Variants in SH3KBP1 observed in about 807,000 individuals in gnomAD.
The protein encoded by SH3KBP1 is SH3 domain-containing kinase-binding protein 1.
In SH3KBP1, 8 loss-of-function variants were observed where a neutral mutation model predicts 50.1. The observed-to-expected ratio is 0.16, with a 90% CI of 0.09 to 0.29. The LOEUF is 0.29. SH3KBP1 is among the 10% of genes least tolerant of loss of function. SH3KBP1 has a pLI of 1.00. For synonymous variants in SH3KBP1, 227 were observed against 218.6 expected, an observed-to-expected ratio of 1.04 and a Z score of -0.34; for missense variants, 377 against 535.2, an observed-to-expected ratio of 0.70 and a Z score of 2.92.
At chrX:19,738,514 C>T (rs1347301556) in intron 3 of SH3KBP1, among the ~76,000 whole-genome samples, 1 of 109,379 alleles carries the variant, frequency 9.1e-6, no homozygotes, top group Non-Finnish European at 1.9e-5. Flanking sequence ...TACAATGGTG[C>T]AATGTGATTG....
At chrX:19,760,694 C>A (rs1292886790) in intron 2 of SH3KBP1, among the ~76,000 whole-genome samples, 3 of 110,872 alleles carry the variant, frequency 2.7e-5, no homozygotes, top group Non-Finnish European at 5.7e-5. Flanking sequence ...GAGAGCGTAA[C>A]CTTGGTGCCT....
At chrX:19,583,167 T>TATTATTA (rs61074998) in intron 12 of SH3KBP1, among the ~76,000 whole-genome samples, 1 of 104,844 alleles carries the variant, frequency 9.5e-6, no homozygotes, top group African/African-American at 3.5e-5. Context: ...TTATTATTAT[T>TATTATTA]TTTGAGACGC....
chrX:19,603,115 G>A (rs1335427550), intron 9 of SH3KBP1, among the ~76,000 whole-genome samples: 1 of 112,357 alleles, frequency 8.9e-6, no homozygotes, highest in Non-Finnish European at 1.9e-5. Flanking sequence ...GAGGCCGAAG[G>A]CAGTGGTGCA....
chrX:19,725,578 A>T (rs769457786), intron 3 of SH3KBP1, among the ~76,000 whole-genome samples: 1 of 112,066 alleles, frequency 8.9e-6, no homozygotes, highest in Non-Finnish European at 1.9e-5. Flanking sequence ...GGACACAGTG[A>T]CTGTCTCCCA....
intron 8 of SH3KBP1, 116 bp downstream of exon 8, chrX:19,631,748 A>T: frequency 2.4e-6 from 1 of 412,126 alleles, no homozygotes; most frequent in Non-Finnish European, 4.3e-6. Flanking sequence ...ATTCTTCCTC[A>T]CAAGTTCAGG....
intron 6 of SH3KBP1, among the ~76,000 whole-genome samples, chrX:19,675,919 T>G (rs1336597435): frequency 9.0e-6 from 1 of 111,613 alleles, no homozygotes; most frequent in Non-Finnish European, 1.9e-5. Flanking sequence ...CCCTCCTCCT[T>G]CCTTACTTTT....
intron 17 of SH3KBP1, 104 bp from the exon 18 acceptor site, chrX:19,536,562 C>A (rs1465009735): frequency 4.0e-6 from 2 of 503,010 alleles, no homozygotes; most frequent in Non-Finnish European, 3.3e-6. Flanking sequence ...AACAATCAAT[C>A]TGACAATTTT....
intron 2 of SH3KBP1, among the ~76,000 whole-genome samples, chrX:19,778,187 C>G (rs1373624852): frequency 1.8e-5 from 2 of 111,204 alleles, no homozygotes; most frequent in South Asian, 3.8e-4. Context: ...AATCCCAGCA[C>G]TTTGGGAGGC....
Position 19,626,998 on chromosome X carries a change from C to T in SH3KBP1, c.897+4866G>A, listed in dbSNP as rs140636320. Among the ~76,000 whole-genome samples the T allele has an allele frequency of 9.0e-3, 1,013 of 112,088 alleles. 13 individuals carry two copies. The highest frequency in any genetic ancestry group is 0.031 in the African/African-American group (949 of 30,824). On this transcript the variant is annotated intron_variant, in intron 8 of 17. Transcript: ENST00000397821. ...GATTTTGACCAATAACGTTAGCTTT[C>T]TAAGCGTTCATCTTGATGTCATCAA...
At position 19,607,962 on chromosome X, in the gene SH3KBP1, T is replaced by C. The variant is rs779282844; in HGVS notation, c.981A>G (p.Pro327=). The change falls in exon 9 of 18, where the codon CCA becomes CCG. Residue 327 remains proline (P), a synonymous_variant. Transcript: ENST00000397821. ...CATTCCCTTCCTTTTCAAAGTCCGG[T>C]GGAAGTAACTTCACGAAGTTATCGG... ...VFPDNFVKLL[P]PDFEKEGNRP... is the part of the protein sequence containing the mutation. 2 of 1,210,071 alleles carry C rather than the reference T, an allele frequency of 1.7e-6. No homozygotes were observed. The highest frequency in any genetic ancestry group is 2.3e-4 in the Middle Eastern group (1 of 4,347).
chrX:19,816,066 C>T (rs1196523952), intron 2 of SH3KBP1, among the ~76,000 whole-genome samples: 1 of 112,292 alleles, frequency 8.9e-6, no homozygotes. Flanking sequence ...AGTTCTATAA[C>T]AAACTGCCAA....
chrX:19,572,836 G>A lies in SH3KBP1; in HGVS notation c.1299-3648C>T, dbSNP rs192241484. Among the ~76,000 whole-genome samples, 306 of 112,134 alleles carry A rather than the reference G, an allele frequency of 2.7e-3. 1 individual carries two copies. Among genetic ancestry groups the A allele is most frequent in the African/African-American group, 9.5e-3 (293 of 30,894 alleles). On this transcript the variant is annotated intron_variant, in intron 12 of 17. Coordinates refer to ENST00000397821, the MANE Select transcript of SH3KBP1 (RefSeq NM_031892.3). ...TATACTAACAAGAATGAATGCTTACGTTGCAATGTTAAGGGACAAAGGCAG... is the reference window on the plus strand; with the variant it reads ...TATACTAACAAGAATGAATGCTTACATTGCAATGTTAAGGGACAAAGGCAG...
intron 6 of SH3KBP1, among the ~76,000 whole-genome samples, chrX:19,653,279 C>T (rs935677256): frequency 8.9e-6 from 1 of 112,088 alleles, no homozygotes; most frequent in African/African-American, 3.2e-5. Context: ...AGCCATCACA[C>T]CAGCCTTTTC....
At chrX:19,874,068 A>AAAAAAAAAAAAAAAAT (rs1491537486) in intron 1 of SH3KBP1, among the ~76,000 whole-genome samples, 2 of 57,033 alleles carry the variant, frequency 3.5e-5, no homozygotes, top group African/African-American at 3.2e-4. Flanking sequence ...AAAAAAAAAA[A>AAAAAAAAAAAAAAAAT]ATATATATAT....
At chrX:19,542,717 T>C (rs1602404446) in intron 15 of SH3KBP1, among the ~76,000 whole-genome samples, 1 of 110,823 alleles carries the variant, frequency 9.0e-6, no homozygotes, top group African/African-American at 3.3e-5. Context: ...GACCAAGAAG[T>C]AGCCAGAGGA....
chrX:19,632,403 C>T (rs2061599008), intron 7 of SH3KBP1, among the ~76,000 whole-genome samples: 2 of 112,680 alleles, frequency 1.8e-5, no homozygotes, highest in Admixed American at 9.4e-5. Flanking sequence ...TGTTACAAAG[C>T]TACCCAGGAT....
chrX:19,612,779 A>G (rs1480381015), intron 8 of SH3KBP1, among the ~76,000 whole-genome samples: 3 of 111,981 alleles, frequency 2.7e-5, no homozygotes, highest in Non-Finnish European at 5.6e-5. Flanking sequence ...GTGAATCAGA[A>G]TGGCACAGAA....
At position 19,584,137 on chromosome X, in the gene SH3KBP1, AATATATATTTATATATAATATATTT is replaced by A. The variant is rs1207986410; in HGVS notation, c.1298+4481_1298+4505del. Among the ~76,000 whole-genome samples the A allele has an allele frequency of 1.8e-4, 17 of 94,358 alleles. No homozygotes were observed. In the South Asian group the frequency reaches 2.1e-3, roughly 12 times the overall value. The allele number at this position is 94,358 out of a possible 115,157, so 81.9% of individuals were successfully genotyped here. A position where few individuals can be genotyped will look rare whatever the true frequency, so the allele number is the denominator to read the frequency against. ...ACTGATTTTATGTTACCATATTAAT[AATATATATTTATATATAATATATTT>A]ATATATATTTATATATAATATATTT... On this transcript the variant is annotated intron_variant, in intron 12 of 17. Transcript: ENST00000397821.
chrX:19,755,109 G>A (rs920789715), intron 2 of SH3KBP1, among the ~76,000 whole-genome samples: 1 of 111,944 alleles, frequency 8.9e-6, no homozygotes, highest in East Asian at 2.8e-4. Flanking sequence ...GGTGGCTCAC[G>A]TCTGTAATCC....
Sources: allele counts gnomAD v4.1 joint callset (sites outside exome capture counted in the v4.1 genomes callset), GRCh38; gene constraint gnomAD v4.1.1; transcripts MANE v1.5; gene names NCBI Gene and HGNC (gene_info 2026-07-23, HGNC 2026-07-21).